Variants in NOL10 observed in about 807,000 individuals in gnomAD.
NOL10 encodes the protein nucleolar protein 10.
NOL10 carries 58 observed loss-of-function variants against 103.5 expected under a neutral mutation model. The observed-to-expected ratio is 0.56, with a 90% CI of 0.45 to 0.70. NOL10 has a LOEUF of 0.70. Ranked by LOEUF, NOL10 falls within the 30% of genes least tolerant of loss-of-function variation. The pLI, the probability that NOL10 is intolerant of heterozygous loss-of-function variation, is 0.00. For synonymous variants in NOL10, 287 were observed against 282.5 expected (o/e 1.02, Z -0.16); for missense variants, 763 against 807.3 (o/e 0.95, Z 0.67).
chr2:10,656,717 T>C lies in NOL10; in HGVS notation c.906+1025A>G, dbSNP rs1014798532. ...CGGGCACTTGCGCTTAGGCACGAAC[T>C]GCTCAGGCTGGTGGGCCGTCCACCC... On this transcript the variant is annotated intron_variant, in intron 11 of 20. Coordinates refer to ENST00000381685, the MANE Select transcript of NOL10 (RefSeq NM_024894.4). Among the ~76,000 whole-genome samples, 14 of 152,240 alleles carry C rather than the reference T, an allele frequency of 9.2e-5. No homozygotes were observed. In the South Asian group the frequency reaches 1.0e-3, roughly 11 times the overall value.
At chr2:10,651,049 T>C (rs1679422407) in intron 12 of NOL10, among the ~76,000 whole-genome samples, 1 of 152,172 alleles carries the variant, frequency 6.6e-6, no homozygotes, top group Non-Finnish European at 1.5e-5. Flanking sequence ...TTAAGAGATC[T>C]TTACAGCCAT....
At chr2:10,594,113 A>G (rs1675538790) in intron 17 of NOL10, among the ~76,000 whole-genome samples, 1 of 150,754 alleles carries the variant, frequency 6.6e-6, no homozygotes, top group African/African-American at 2.4e-5. Context: ...CCAGCACTGA[A>G]GACCGAACTT....
At chr2:10,667,384 A>C in intron 7 of NOL10, 106 bp from the exon 8 acceptor site, 1 of 797,324 alleles carries the variant, frequency 1.3e-6, no homozygotes, top group Non-Finnish European at 2.1e-6. Flanking sequence ...AGTAGAAAGA[A>C]GACACACAGA....
chr2:10,626,424 A>G (rs1304638348), intron 13 of NOL10, among the ~76,000 whole-genome samples: 2 of 152,218 alleles, frequency 1.3e-5, no homozygotes, highest in Non-Finnish European at 2.9e-5. Context: ...TGTAAGTCCT[A>G]GAACTTTCTT....
At chr2:10,670,918 T>G (rs1055388255) in intron 6 of NOL10, among the ~76,000 whole-genome samples, 1 of 152,230 alleles carries the variant, frequency 6.6e-6, no homozygotes, top group South Asian at 2.1e-4. Context: ...TAAACTTTTG[T>G]TCAGAATTTA....
intron 20 of NOL10, among the ~76,000 whole-genome samples, chr2:10,574,426 T>A (rs1282832188): frequency 6.6e-6 from 1 of 152,158 alleles, no homozygotes; most frequent in African/African-American, 2.4e-5. Flanking sequence ...GATGGGCAGA[T>A]CATGAGGTCA....
At position 10,595,184 on chromosome 2, in the gene NOL10, T is replaced by C. The variant is rs189961146; in HGVS notation, c.1423-5433A>G. On this transcript the variant is annotated intron_variant, in intron 17 of 20. Coordinates refer to ENST00000381685, the MANE Select transcript of NOL10 (RefSeq NM_024894.4). The stretch of plus-strand genomic sequence containing the variant: ...AGAGAGAGAGAGAGAGAGAGATTTA[T>C]ACCAAAATAATCAGCAAAAAAGGCA... Among the ~76,000 whole-genome samples, 31 of 139,798 alleles carry C rather than the reference T, an allele frequency of 2.2e-4. No individual in the cohort carries two copies. In the East Asian group the frequency reaches 6.0e-3, roughly 27 times the overall value. The allele number at this position is 139,798 out of a possible 152,430, so 91.7% of individuals were successfully genotyped here.
In NOL10 at chr2:10,689,940, C is replaced by A. The variant is rs543032201; in HGVS notation, c.-79G>T. On this transcript the variant is annotated 5_prime_UTR_variant, in exon 1 of 21. Transcript: ENST00000381685. ...GCACCGTAATCCCGGGACCTCCGAG[C>A]CCCTGCTCCGCGGCGTGCGGCCGCT... is the stretch of plus-strand genomic sequence containing the variant. The A allele has an allele frequency of 7.2e-6, 10 of 1,380,812 alleles. No homozygotes were observed. In the South Asian group the frequency reaches 1.0e-4, roughly 14 times the overall value. 85.5% of individuals were successfully genotyped at this position (1,380,812 alleles called of 1,614,324 possible). A position where few individuals can be genotyped will look rare whatever the true frequency, so the allele number is the denominator to read the frequency against.
intron 13 of NOL10, among the ~76,000 whole-genome samples, chr2:10,621,384 A>C (rs2148220763): frequency 6.6e-6 from 1 of 152,278 alleles, no homozygotes; most frequent in South Asian, 2.1e-4. Context: ...GTTTGAGCCC[A>C]GGAATTCAAG....
intron 13 of NOL10, among the ~76,000 whole-genome samples, chr2:10,625,775 G>A (rs1033624700): frequency 6.6e-6 from 1 of 152,166 alleles, no homozygotes; most frequent in African/African-American, 2.4e-5. Context: ...AAAAGGATGG[G>A]TAGAAGACGG....
rs1005096806 is a variant in NOL10, at chr2:10,669,150, T to C, written c.465-427A>G. Reference sequence around the variant, plus strand: ...TCTTATTGCCCAGGCTGGAGTGCAATAGCGCAATCTCAGCTCACGGGCGCC... The same window carrying C: ...TCTTATTGCCCAGGCTGGAGTGCAACAGCGCAATCTCAGCTCACGGGCGCC... On this transcript the variant is annotated intron_variant, in intron 6 of 20. Transcript: ENST00000381685. Among the ~76,000 whole-genome samples, 20 of 151,974 alleles carry C rather than the reference T, an allele frequency of 1.3e-4. No individual in the cohort carries two copies. The South Asian group carries it at 4.2e-3, about 32-fold the overall frequency.
chr2:10,668,237 A>G (rs1233232798), intron 7 of NOL10, among the ~76,000 whole-genome samples: 1 of 152,214 alleles, frequency 6.6e-6, no homozygotes, highest in Admixed American at 6.5e-5. Context: ...CATAGTACAT[A>G]TGTGTAGACT....
chr2:10,664,968 G>A (rs1465357445), intron 8 of NOL10, among the ~76,000 whole-genome samples: 2 of 152,170 alleles, frequency 1.3e-5, no homozygotes, highest in Non-Finnish European at 2.9e-5. Context: ...TTCACTTTGT[G>A]TTCTTGTCTA....
rs763092917 is a variant in NOL10, at chr2:10,689,806, G to T, written c.56C>A (p.Ser19Tyr). ...CGGGAAGTGACTCACCTCAGGAAGG[G>T]ACTTGCCGCAGCTGAGGCTGTAAAT... is the stretch of plus-strand genomic sequence containing the variant. ...VKIYSLSCGK[S>Y]LPEWLSDRKK... The change falls in exon 1 of 21, where the codon TCC (serine) becomes TAC (tyrosine). Residue 19 changes from serine to tyrosine, a missense_variant. By Grantham distance (144) the Ser-to-Tyr change is moderately radical. Coordinates refer to ENST00000381685, the MANE Select transcript of NOL10 (RefSeq NM_024894.4). 6.2e-7 allele frequency: 1 copy of T among 1,605,252 alleles called. No individual in the cohort carries two copies. Among genetic ancestry groups the T allele is most frequent in the Non-Finnish European group, 8.5e-7 (1 of 1,176,112 alleles).
In NOL10 at chr2:10,571,963, C is replaced by T; in HGVS notation, c.*108G>A. On this transcript the variant is annotated 3_prime_UTR_variant, in exon 21 of 21. Coordinates refer to ENST00000381685, the MANE Select transcript of NOL10 (RefSeq NM_024894.4). ...CTTTACCTCTGTGTACAAGAACGTA[C>T]ATGAACTTTAAAAACGTGTGTTTCC... 7.5e-7 allele frequency: 1 copy of T among 1,328,478 alleles called. No homozygotes were observed. The highest frequency in any genetic ancestry group is 1.1e-6 in the Non-Finnish European group (1 of 951,820). The allele number at this position is 1,328,478 out of a possible 1,614,324, so 82.3% of individuals were successfully genotyped here. A position where few individuals can be genotyped will look rare whatever the true frequency, so the allele number is the denominator to read the frequency against.
chr2:10,594,543 C>A (rs903458798), intron 17 of NOL10, among the ~76,000 whole-genome samples: 1 of 152,140 alleles, frequency 6.6e-6, no homozygotes. Flanking sequence ...TATCTAAACA[C>A]CTCAAAATAA....
intron 14 of NOL10, among the ~76,000 whole-genome samples, chr2:10,606,144 T>C (rs1037994614): frequency 2.0e-5 from 3 of 151,918 alleles, no homozygotes; most frequent in Admixed American, 6.6e-5. Context: ...CTGGGATGGC[T>C]GGGGAAAGGG....
At chr2:10,592,382 G>T (rs1294517361) in intron 17 of NOL10, among the ~76,000 whole-genome samples, 2 of 152,180 alleles carry the variant, frequency 1.3e-5, no homozygotes, top group Non-Finnish European at 2.9e-5. Context: ...TAAAGGGGAA[G>T]AAATCACGCT....
rs781016100 is a variant in NOL10 at position 10,572,077 on chromosome 2, A to C, written c.2061T>G (p.Phe687Leu). 8 of 1,613,518 alleles carry C rather than the reference A, an allele frequency of 5.0e-6. No homozygotes were observed. The highest frequency in any genetic ancestry group is 6.8e-6 in the Non-Finnish European group (8 of 1,179,904). ...LKSRHKRGRS[F>L]H ...GGTAGGACCACTTCCCAAATCAATG[A>C]AACGACCGTCCTCTTTTGTGTCTTG... is the stretch of plus-strand genomic sequence containing the variant. Residue 687 changes from phenylalanine (F) to leucine (L), a missense_variant, in exon 21 of 21, where the codon TTT becomes TTG. Physicochemically the swap from Phe to Leu is conservative, Grantham distance 22 (BLOSUM62 0). Coordinates refer to ENST00000381685, the MANE Select transcript of NOL10 (RefSeq NM_024894.4).
Sources: allele counts gnomAD v4.1 joint callset (sites outside exome capture counted in the v4.1 genomes callset), GRCh38; gene constraint gnomAD v4.1.1; transcripts MANE v1.5; gene names NCBI Gene and HGNC (gene_info 2026-07-23, HGNC 2026-07-21).